Variants in USP44 observed in about 807,000 individuals in gnomAD.
USP44 encodes ubiquitin carboxyl-terminal hydrolase 44.
In USP44, 61 loss-of-function variants were observed where a neutral mutation model predicts 69.0. The observed-to-expected ratio is 0.88, with a 90% confidence interval of 0.72 to 1.09. The LOEUF (loss-of-function observed/expected upper bound fraction) is 1.09. Among genes scored for constraint, USP44 ranks in the 50% least tolerant of loss-of-function variants. USP44 has a pLI of 0.00. For synonymous variants in USP44, 297 were observed against 295.4 expected (o/e 1.01, Z -0.06); for missense variants, 753 against 849.9 (o/e 0.89, Z 1.42).
rs1269195703 is a variant in USP44, at chr12:95,533,703, A to G, written c.554T>C (p.Val185Ala). Residue 185 changes from valine (V) to alanine (A), a missense_variant, in exon 2 of 6, where the codon GTA becomes GCA. Transcript: ENST00000258499. ...TCTTTTCTTTACTTCTCTTTTTACT[A>G]CTATTTTTTCCTGAAATGGTTCTTC... ...KQEEPFQEKI[V>A]VKREVKKRRQ... 1 of 1,613,716 alleles carries G rather than the reference A, an allele frequency of 6.2e-7. No homozygotes were observed. The highest frequency in any genetic ancestry group is 1.3e-5 in the African/African-American group (1 of 74,936).
In USP44 at chr12:95,520,007, C is replaced by CAAAAAAAAAAAAAA. The variant is rs56348745; in HGVS notation, c.1939+976_1939+989dup. On this transcript the variant is annotated intron_variant, in intron 5 of 5. Transcript: ENST00000258499. Reference sequence around the variant, plus strand: ...CAGGGGAAAGAGTGAGACTCTGTCTCAAAAAAAAAAAAAAAAAAAAAAAAA... The same window carrying CAAAAAAAAAAAAAA: ...CAGGGGAAAGAGTGAGACTCTGTCTCAAAAAAAAAAAAAAAAAAAAAAAAAAAAAAAAAAAAAAA... Among the ~76,000 whole-genome samples the CAAAAAAAAAAAAAA allele has an allele frequency of 6.1e-4, 21 of 34,530 alleles. 1 individual carries two copies. Among genetic ancestry groups the CAAAAAAAAAAAAAA allele is most frequent in the African/African-American group, 9.8e-4 (9 of 9,218 alleles). 22.7% of individuals were successfully genotyped at this position (34,530 alleles called of 152,430 possible). A position where few individuals can be genotyped will look rare whatever the true frequency, so the allele number is the denominator to read the frequency against.
At position 95,533,706 on chromosome 12, in the gene USP44, A is replaced by AT; in HGVS notation, c.550dup (p.Ile184AsnfsTer19). Reference sequence around the variant, plus strand: ...TTTCTTTACTTCTCTTTTTACTACTATTTTTTCCTGAAATGGTTCTTCTTG... The same window carrying AT: ...TTTCTTTACTTCTCTTTTTACTACTATTTTTTTCCTGAAATGGTTCTTCTTG... On this transcript the variant is annotated frameshift_variant, in exon 2 of 6. Transcript: ENST00000258499. LOFTEE classifies it high-confidence loss of function. 1.2e-6 allele frequency: 2 copies of AT among 1,613,386 alleles called. No homozygotes were observed. Among genetic ancestry groups the AT allele is most frequent in the South Asian group, 1.1e-5 (1 of 91,006 alleles).
At position 95,533,553 on chromosome 12, in the gene USP44, T is replaced by A; in HGVS notation, c.704A>T (p.Gln235Leu). Reference protein sequence around the residue: ...IEIVSVQVPAQTPASPAKDKV... With the variant: ...IEIVSVQVPALTPASPAKDKV... ...ATCTTTTGCTGGTGATGCTGGCGTT[T>A]GTGCTGGCACCTGAACAGAAACTAT... Residue 235 changes from glutamine (Q) to leucine (L), a missense_variant, in exon 2 of 6, where the codon CAA (glutamine) becomes CTA (leucine). Physicochemically the swap from Gln to Leu is moderately radical, Grantham distance 113 (BLOSUM62 -2). Coordinates refer to ENST00000258499, the MANE Select transcript of USP44 (RefSeq NM_032147.5). 6.2e-7 allele frequency: 1 copy of A among 1,613,654 alleles called. No homozygotes were observed. Among genetic ancestry groups the A allele is most frequent in the Non-Finnish European group, 8.5e-7 (1 of 1,179,826 alleles).
intron 1 of USP44, among the ~76,000 whole-genome samples, chr12:95,549,518 G>A (rs1187990926): frequency 6.6e-6 from 1 of 152,172 alleles, no homozygotes; most frequent in Non-Finnish European, 1.5e-5. Flanking sequence ...TGGATTCTTT[G>A]TGTTCAACTC....
In USP44 at chr12:95,540,622, C is replaced by T. The variant is rs144245414; in HGVS notation, c.-70-6296G>A. On this transcript the variant is annotated intron_variant, in intron 1 of 5. Transcript: ENST00000258499. ...CCTCCCAAAGTGCTGGGATTAGAGG[C>T]GTGAGCCACCACACCCTGCTCTCCC... is the stretch of plus-strand genomic sequence containing the variant. 5.3e-3 allele frequency among the ~76,000 whole-genome samples: 803 copies of T among 152,230 alleles called. 10 individuals are homozygous for T. The highest frequency in any genetic ancestry group is 0.018 in the African/African-American group (761 of 41,538).
chr12:95,533,122 T>C lies in USP44; in HGVS notation c.1135A>G (p.Ile379Val), dbSNP rs1192684162. 6.2e-7 allele frequency: 1 copy of C among 1,614,134 alleles called. No homozygotes were observed. The highest frequency in any genetic ancestry group is 8.5e-7 in the Non-Finnish European group (1 of 1,180,040). The change falls in exon 2 of 6, where the codon ATT becomes GTT. Residue 379 changes from isoleucine (I) to valine (V), a missense_variant. By Grantham distance (29) the Ile-to-Val change is conservative (BLOSUM62 3). Transcript: ENST00000258499. ...IQPKEPTSQYISLCHELHTLF... is the reference protein window; with the variant it reads ...IQPKEPTSQYVSLCHELHTLF... The stretch of plus-strand genomic sequence containing the variant: ...GTATGCAATTCATGACAAAGAGAAA[T>C]GTACTGTGAAGTTGGCTCCTTTGGC...
At chr12:95,524,534 C>T (rs545699955) in intron 4 of USP44, 146 bp downstream of exon 4, 5 of 557,816 alleles carry the variant, frequency 9.0e-6, no homozygotes, top group East Asian at 3.3e-5. Flanking sequence ...AAGTCATTTA[C>T]TAGCCAAGTA....
In USP44 at chr12:95,548,683, G is replaced by A. The variant is rs1467758492; in HGVS notation, c.-71+2589C>T. The A allele has an allele frequency of 6.6e-6, 1 of 151,936 alleles. No individual in the cohort carries two copies. Among genetic ancestry groups the A allele is most frequent in the Non-Finnish European group, 1.5e-5 (1 of 68,038 alleles). The allele number at this position is 151,936 out of a possible 1,614,324, so 9.4% of individuals were successfully genotyped here. A position where few individuals can be genotyped will look rare whatever the true frequency, so the allele number is the denominator to read the frequency against. ...GAGAATAGGCCCCCAGGTGCCTCCC[G>A]GCCCCGGGGGCTGCCGTCGCACGTC... is the stretch of plus-strand genomic sequence containing the variant. On this transcript the variant is annotated intron_variant, in intron 1 of 5. Coordinates refer to ENST00000258499, the MANE Select transcript of USP44 (RefSeq NM_032147.5). This position sits in a 1 kb window ranked among gnomAD's most constrained non-coding sequence, Gnocchi z 4.1.
At chr12:95,520,514 G>T (rs902913347) in intron 5 of USP44, among the ~76,000 whole-genome samples, 9 of 151,984 alleles carry the variant, frequency 5.9e-5, no homozygotes, top group African/African-American at 2.2e-4. Flanking sequence ...GGTGTTGGGG[G>T]GAGTAAAAAA....
At chr12:95,522,293 GA>G (rs879858987) in intron 4 of USP44, among the ~76,000 whole-genome samples, 36 of 147,796 alleles carry the variant, frequency 2.4e-4, no homozygotes, top group Admixed American at 3.4e-4. Flanking sequence ...TTTTATGATG[GA>G]AAAAAAAAAG....
intron 3 of USP44, among the ~76,000 whole-genome samples, chr12:95,526,346 G>A (rs1392860926): frequency 6.6e-6 from 1 of 152,220 alleles, no homozygotes; most frequent in African/African-American, 2.4e-5. Flanking sequence ...GCAGAGGCGG[G>A]TGGATCACGA....
intron 4 of USP44, among the ~76,000 whole-genome samples, chr12:95,524,021 C>T (rs1473952784): frequency 1.3e-5 from 2 of 151,932 alleles, no homozygotes; most frequent in Non-Finnish European, 2.9e-5. Flanking sequence ...GAATTACAGG[C>T]GTGTGTCACC....
At chr12:95,528,783 C>A in intron 3 of USP44, 24 bp downstream of exon 3, 1 of 1,597,136 alleles carries the variant, frequency 6.3e-7, no homozygotes, top group Non-Finnish European at 8.5e-7. Context: ...AGGAAAGCAC[C>A]AAGAACACAA....
chr12:95,523,255 G>A (rs2076725702), intron 4 of USP44, among the ~76,000 whole-genome samples: 1 of 152,132 alleles, frequency 6.6e-6, no homozygotes, highest in South Asian at 2.1e-4. Flanking sequence ...AGCAGCTTGT[G>A]GGAATCCCAT....
Position 95,533,919 on chromosome 12 carries a change from G to A in USP44, c.338C>T (p.Thr113Ile). Reference sequence around the variant, plus strand: ...CCGTAAAAACCTCCCACTACGAGTTGTGCAGTGATAATTTTGACTTTTGAT... The same window carrying A: ...CCGTAAAAACCTCCCACTACGAGTTATGCAGTGATAATTTTGACTTTTGAT... ...SAIKSQNYHC[T>I]TRSGRFLRSM... is the part of the protein sequence containing the mutation. The change falls in exon 2 of 6, where the codon ACA becomes ATA. Residue 113 changes from threonine to isoleucine, a missense_variant. Physicochemically the swap from Thr to Ile is moderately conservative, Grantham distance 89. Transcript: ENST00000258499. 1 of 1,614,184 alleles carries A rather than the reference G, an allele frequency of 6.2e-7. No individual in the cohort carries two copies. The highest frequency in any genetic ancestry group is 8.5e-7 in the Non-Finnish European group (1 of 1,180,038).
At chr12:95,550,929 A>G (rs1199614888) in intron 1 of USP44, among the ~76,000 whole-genome samples, 2 of 152,172 alleles carry the variant, frequency 1.3e-5, no homozygotes, top group Admixed American at 6.5e-5. Context: ...AATTCTCATT[A>G]CTAGTGTTAG....
intron 3 of USP44, among the ~76,000 whole-genome samples, chr12:95,526,489 C>G (rs1050680971): frequency 3.9e-5 from 6 of 151,966 alleles, no homozygotes; most frequent in African/African-American, 9.7e-5. Flanking sequence ...GGAGAATGGC[C>G]TGAACCCAGG....
intron 1 of USP44, among the ~76,000 whole-genome samples, chr12:95,546,038 G>A (rs2077559948): frequency 6.6e-6 from 1 of 152,120 alleles, no homozygotes; most frequent in South Asian, 2.1e-4. Flanking sequence ...GTAAGATAAA[G>A]CTCCTGAAAG....
chr12:95,527,252 G>GC (rs956999758), intron 3 of USP44, among the ~76,000 whole-genome samples: 1 of 151,240 alleles, frequency 6.6e-6, no homozygotes, highest in African/African-American at 2.4e-5. Flanking sequence ...ACGCCACCAT[G>GC]CCCAGCTAAT....
Sources: gnomAD v4.1 joint callset for allele counts (sites outside exome capture counted in the v4.1 genomes callset) on GRCh38, gnomAD v4.1.1 for gene constraint, Gnocchi (gnomAD v3.1) non-coding constraint, MANE v1.5 for transcripts, NCBI Gene and HGNC (gene_info 2026-07-23, HGNC 2026-07-21) for gene names.